The following KRT7 variants were observed in gnomAD, a reference collection of about 807,000 sequenced individuals.
KRT7 encodes the protein keratin 7, also known as keratin, type II cytoskeletal 7.
KRT7 carries 50 observed loss-of-function variants against 42.8 expected under a neutral mutation model. That is an observed-to-expected ratio of 1.17 (90% CI 0.93 to 1.48). The LOEUF (loss-of-function observed/expected upper bound fraction) is 1.48. Among genes scored for constraint, KRT7 ranks in the 40% most tolerant of loss-of-function variants. The pLI is 0.00. For synonymous variants in KRT7, 268 were observed against 266.3 expected (o/e 1.01, Z -0.06); for missense variants, 588 against 637.6 (o/e 0.92, Z 0.84).
chr12:52,252,084 A>T, downstream of KRT7: 1 of 842,356 alleles, frequency 1.2e-6, no homozygotes, highest in Non-Finnish European at 2.0e-6. Flanking sequence ...AAGAGACAGA[A>T]ATTAGTTGTG....
At chr12:52,236,559 G>A (rs1266328836) in intron 2 of KRT7, among the ~76,000 whole-genome samples, 1 of 152,178 alleles carries the variant, frequency 6.6e-6, no homozygotes, top group Non-Finnish European at 1.5e-5. Context: ...AGGGGTGGAC[G>A]GAAAGCCTTG....
At chr12:52,244,072 G>A (rs1942134154) in intron 6 of KRT7, among the ~76,000 whole-genome samples, 1 of 152,236 alleles carries the variant, frequency 6.6e-6, no homozygotes, top group Admixed American at 6.5e-5. Context: ...GCCTGTGCAG[G>A]TGTCTGCAGT....
downstream of KRT7, chr12:52,253,195 T>C: frequency 6.3e-7 from 1 of 1,592,204 alleles, no homozygotes; most frequent in Non-Finnish European, 8.6e-7. Flanking sequence ...CACTGAGGGG[T>C]GGGCTGGGCT....
At position 52,241,594 on chromosome 12, in the gene KRT7, C is replaced by T; in HGVS notation, c.816C>T (p.Ala272=). 6.2e-7 allele frequency: 1 copy of T among 1,613,076 alleles called. No individual in the cohort carries two copies. The highest frequency in any genetic ancestry group is 8.5e-7 in the Non-Finnish European group (1 of 1,179,422). Residue 272 remains alanine (A), a synonymous_variant, in exon 5 of 9, where the codon GCC becomes GCT. Coordinates refer to ENST00000331817, the MANE Select transcript of KRT7 (RefSeq NM_005556.4). ...TCAAGGCGCAGTATGAGGAGATGGCCAAATGCAGCCGGGCTGAGGCTGAAG... is the reference window on the plus strand; with the variant it reads ...TCAAGGCGCAGTATGAGGAGATGGCTAAATGCAGCCGGGCTGAGGCTGAAG... ...AEVKAQYEEM[A]KCSRAEAEAW... is the part of the protein sequence containing the mutation.
At chr12:52,239,837 C>T (rs1056913388) in intron 4 of KRT7, among the ~76,000 whole-genome samples, 10 of 152,166 alleles carry the variant, frequency 6.6e-5, no homozygotes, top group Non-Finnish European at 1.3e-4. Context: ...CCTTGTCCTC[C>T]GGGGTTTCCA....
chr12:52,237,726 A>G (rs112794441), intron 3 of KRT7, 157 bp downstream of exon 3: 3,537 of 346,324 alleles, frequency 0.01, 59 homozygotes, highest in African/African-American at 0.049. Flanking sequence ...GGGTGCGTGT[A>G]TGTGTGTGTG....
chr12:52,252,012 A>G (rs1942272446), downstream of KRT7: 2 of 683,422 alleles, frequency 2.9e-6, no homozygotes, highest in South Asian at 1.5e-5. Context: ...AGGACCCACA[A>G]AATGGATTAC....
At position 52,238,670 on chromosome 12, in the gene KRT7, C is replaced by G. The variant is rs1259339633; in HGVS notation, c.598-10C>G. On this transcript the variant is annotated splice_polypyrimidine_tract_variant and intron_variant, in intron 3 of 8. Coordinates refer to ENST00000331817, the MANE Select transcript of KRT7 (RefSeq NM_005556.4). ...GGTCTCCCTCTGCCCCATCTTGCCC[C>G]AACCCCCAGGATGTGGATGCTGCCT... 1.9e-6 allele frequency: 3 copies of G among 1,600,186 alleles called. No homozygotes were observed. The highest frequency in any genetic ancestry group is 1.7e-5 in the Admixed American group (1 of 60,000).
chr12:52,252,321 T>C (rs1259358712), downstream of KRT7: 1 of 1,613,926 alleles, frequency 6.2e-7, no homozygotes, highest in Non-Finnish European at 8.5e-7. Flanking sequence ...CCAGGCCAGC[T>C]TGGAGTTCAT....
At chr12:52,238,844 C>G in intron 4 of KRT7, 69 bp downstream of exon 4, 1 of 958,970 alleles carries the variant, frequency 1.0e-6, no homozygotes, top group Non-Finnish European at 1.7e-6. Context: ...TCTGGTCCAG[C>G]CCCCCGCCTC....
At chr12:52,252,244 C>G (rs1455929052), downstream of KRT7, 3 of 1,613,654 alleles carry the variant, frequency 1.9e-6, no homozygotes, top group African/African-American at 2.7e-5. Context: ...ACACCCTCCC[C>G]ACAGCTGTGG....
chr12:52,235,465 T>C, intron 2 of KRT7, 99 bp downstream of exon 2: 1 of 1,023,172 alleles, frequency 9.8e-7, no homozygotes, highest in Non-Finnish European at 1.4e-6. Context: ...GGAATCAGCA[T>C]GCAGCTGCTC....
chr12:52,235,098 C>T lies in KRT7; in HGVS notation c.325-57C>T, dbSNP rs148168806. ...GGCTAAAGATGATGTTCCTCAATCC[C>T]GCTGTGGGTGGCACGCTCTGGCTCC... is the stretch of plus-strand genomic sequence containing the variant. On this transcript the variant is annotated intron_variant, in intron 1 of 8. Coordinates refer to ENST00000331817, the MANE Select transcript of KRT7 (RefSeq NM_005556.4). The T allele has an allele frequency of 4.6e-3, 7,061 of 1,533,806 alleles. 26 individuals carry two copies. Among genetic ancestry groups the T allele is most frequent in the Middle Eastern group, 5.9e-3 (28 of 4,780 alleles).
At chr12:52,254,802 C>G (rs998830765), downstream of KRT7, among the ~76,000 whole-genome samples, 4 of 152,138 alleles carry the variant, frequency 2.6e-5, no homozygotes, top group African/African-American at 9.7e-5. Context: ...CTCTGAGCAG[C>G]CCCCTTAACC....
At chr12:52,241,149 A>G (rs567902877) in intron 4 of KRT7, among the ~76,000 whole-genome samples, 39 of 152,286 alleles carry the variant, frequency 2.6e-4, no homozygotes, top group Middle Eastern at 6.8e-3. Flanking sequence ...TCCATTCCCC[A>G]TGGCCTCCCT....
At chr12:52,239,424 C>G (rs752985903) in intron 4 of KRT7, among the ~76,000 whole-genome samples, 3 of 152,172 alleles carry the variant, frequency 2.0e-5, no homozygotes, top group African/African-American at 4.8e-5. Context: ...ATTTAAAGCA[C>G]TTTGTCTTGG....
downstream of KRT7, chr12:52,254,275 A>C (rs553672021): frequency 2.1e-6 from 2 of 955,146 alleles, no homozygotes; most frequent in South Asian, 1.3e-5. Flanking sequence ...GCACCTCCTC[A>C]TATAGCCGCC....
At chr12:52,234,127 A>AGGGGGGGGGGGGGGGGGG (rs574825664) in intron 1 of KRT7, among the ~76,000 whole-genome samples, 2 of 82,820 alleles carry the variant, frequency 2.4e-5, no homozygotes, top group Non-Finnish European at 2.4e-5. Context: ...GGGGCGGGGG[A>AGGGGGGGGGGGGGGGGGG]GGGGGGGGGG....
intron 1 of KRT7, among the ~76,000 whole-genome samples, chr12:52,234,321 C>T (rs74093359): frequency 2.4e-3 from 360 of 152,268 alleles, no homozygotes; most frequent in African/African-American, 8.1e-3. Context: ...CACATGGGGC[C>T]GCTGGAGGGG....
Sources: gnomAD v4.1 joint callset for allele counts (sites outside exome capture counted in the v4.1 genomes callset) on GRCh38, gnomAD v4.1.1 for gene constraint, MANE v1.5 for transcripts, NCBI Gene and HGNC (gene_info 2026-07-23, HGNC 2026-07-21) for gene names.